Variants in PHIP observed in about 807,000 individuals in gnomAD.
The protein encoded by PHIP is PH-interacting protein.
Under a neutral mutation model 236.8 loss-of-function variants are expected in PHIP, and 54 were observed. That is an observed-to-expected ratio of 0.23 (90% CI 0.18 to 0.29). The LOEUF is 0.29. PHIP is among the 10% of genes least tolerant of loss of function. PHIP has a pLI of 1.00. For missense variants in PHIP, 1,370 were observed against 2,190.8 expected (o/e 0.63, Z 7.48); for synonymous variants, 756 against 718.9 (o/e 1.05, Z -0.83).
chr6:78,988,980 G>A (rs1769043018), intron 20 of PHIP, among the ~76,000 whole-genome samples: 1 of 152,172 alleles, frequency 6.6e-6, no homozygotes, highest in South Asian at 2.1e-4. Flanking sequence ...TGGAATAAAT[G>A]TGAGAAGTCT....
intron 6 of PHIP, among the ~76,000 whole-genome samples, chr6:79,059,770 T>C (rs1396587798): frequency 6.6e-6 from 1 of 151,648 alleles, no homozygotes; most frequent in Non-Finnish European, 1.5e-5. Flanking sequence ...AAAGAAGCTA[T>C]GATTGAACTT....
Position 79,060,740 on chromosome 6 carries a change from T to C in PHIP, c.268A>G (p.Ile90Val), listed in dbSNP as rs1773327478. Residue 90 changes from isoleucine to valine, a missense_variant, in exon 5 of 40, where the codon ATT becomes GTT. By Grantham distance (29) the Ile-to-Val change is conservative. Transcript: ENST00000275034. ...TGTACTCCAGGAACACTTTGAGGAA[T>C]TTCTTGTTCAAGAAGAGGTCCTAGT... Reference protein sequence around the residue: ...HRLGPLLEQEIPQSVPGVQTL... With the variant: ...HRLGPLLEQEVPQSVPGVQTL... The C allele has an allele frequency of 1.2e-6, 2 of 1,613,182 alleles. No homozygotes were observed. Among genetic ancestry groups the C allele is most frequent in the South Asian group, 1.1e-5 (1 of 91,080 alleles).
intron 15 of PHIP, among the ~76,000 whole-genome samples, chr6:79,007,158 A>G (rs1770330565): frequency 1.3e-5 from 2 of 152,112 alleles, no homozygotes; most frequent in South Asian, 2.1e-4. Flanking sequence ...TGATACAAAA[A>G]CTTATGAGCT....
chr6:79,025,275 C>T (rs1207587202), intron 9 of PHIP, among the ~76,000 whole-genome samples: 1 of 149,472 alleles, frequency 6.7e-6, no homozygotes, highest in African/African-American at 2.5e-5. Context: ...CAGGTAAATG[C>T]TGAAGGAAAG....
At position 78,965,951 on chromosome 6, in the gene PHIP, T is replaced by C. The variant is rs745963276; in HGVS notation, c.3311A>G (p.Asn1104Ser). ...ACAACAAATATTTCCTTACCAAACA[T>C]TGTAGCATTGAAACAGACTATCAGG... ...EYPDSLFQCYNVCWDNGDTEK... is the reference protein window; with the variant it reads ...EYPDSLFQCYSVCWDNGDTEK... Residue 1104 changes from asparagine (N) to serine (S), a missense_variant, in exon 28 of 40, where the codon AAT becomes AGT. Around this residue, in one of 14 missense-constraint regions of PHIP, gnomAD observed 238 missense variants for 398.5 expected, o/e 0.60. Coordinates refer to ENST00000275034, the MANE Select transcript of PHIP (RefSeq NM_017934.7). The C allele has an allele frequency of 7.5e-6, 12 of 1,597,860 alleles. No individual in the cohort carries two copies. The highest frequency in any genetic ancestry group is 4.0e-5 in the African/African-American group (3 of 74,608).
At chr6:79,062,357 CA>C (rs1773420431) in intron 4 of PHIP, among the ~76,000 whole-genome samples, 5 of 152,080 alleles carry the variant, frequency 3.3e-5, no homozygotes, top group African/African-American at 1.2e-4. Context: ...GAAAACTTAC[CA>C]AAATGAGTTT....
chr6:79,045,011 C>T (rs1772407905), intron 6 of PHIP, among the ~76,000 whole-genome samples: 1 of 152,092 alleles, frequency 6.6e-6, no homozygotes, highest in Non-Finnish European at 1.5e-5. Flanking sequence ...TTTCAAGCAA[C>T]ATTTTCCAGA....
intron 19 of PHIP, among the ~76,000 whole-genome samples, chr6:78,992,841 C>A (rs1002069711): frequency 1.1e-4 from 17 of 152,142 alleles, no homozygotes; most frequent in Admixed American, 6.5e-5. Flanking sequence ...CAATTAAAAA[C>A]CCTAACTGAT....
chr6:78,935,559 A>G lies in PHIP; in HGVS notation c.*5134T>C. On this transcript the variant is annotated 3_prime_UTR_variant, in exon 40 of 40. Coordinates refer to ENST00000275034, the MANE Select transcript of PHIP (RefSeq NM_017934.7). ...TAGTGAAGTATTTATCACTCATCAC[A>G]GTAACTTACGGTAAGAAATCAATAA... The G allele has an allele frequency of 1.0e-6, 1 of 967,618 alleles. No homozygotes were observed. Among genetic ancestry groups the G allele is most frequent in the African/African-American group, 1.8e-5 (1 of 56,906 alleles). The allele number at this position is 967,618 out of a possible 1,614,324, so 59.9% of individuals were successfully genotyped here.
At chr6:78,982,099 G>A (rs902071859) in intron 23 of PHIP, among the ~76,000 whole-genome samples, 3 of 151,840 alleles carry the variant, frequency 2.0e-5, no homozygotes, top group African/African-American at 7.3e-5. Flanking sequence ...AAATGGCAGA[G>A]GTTACAAAAA....
rs1458978515 is a variant in PHIP at position 79,042,962 on chromosome 6, G to A, written c.481C>T (p.Leu161Phe). ...ACTGCAGTTGGAACAAGTCGCTCAA[G>A]TCTGTATTTCCCATTCAGCTTCCTT... ...FSRKLNGKYR[L>F]ERLVPTAVYQ... The change falls in exon 7 of 40, where the codon CTT becomes TTT. Residue 161 changes from leucine to phenylalanine, a missense_variant. By Grantham distance (22) the Leu-to-Phe change is conservative. Coordinates refer to ENST00000275034, the MANE Select transcript of PHIP (RefSeq NM_017934.7). 3 of 1,611,658 alleles carry A rather than the reference G, an allele frequency of 1.9e-6. No homozygotes were observed. Among genetic ancestry groups the A allele is most frequent in the Admixed American group, 1.7e-5 (1 of 59,582 alleles).
intron 37 of PHIP, chr6:78,946,475 C>A (rs2127682593): frequency 7.2e-7 from 1 of 1,395,808 alleles, no homozygotes; most frequent in Non-Finnish European, 9.2e-7. Flanking sequence ...AGCATGATGC[C>A]ATCACTATCC....
chr6:79,062,266 C>T (rs1773415956), intron 4 of PHIP, among the ~76,000 whole-genome samples: 1 of 151,922 alleles, frequency 6.6e-6, no homozygotes, highest in African/African-American at 2.4e-5. Context: ...CCCTTTTTTC[C>T]CTAATAATAT....
rs773943769 is a variant in PHIP at position 78,946,152 on chromosome 6, C to T, written c.4479G>A (p.Gln1493=). The change falls in exon 38 of 40, where the codon CAG becomes CAA. Residue 1493 remains glutamine (Q), a synonymous_variant. Transcript: ENST00000275034. ...AACTAGATTCTGTTTTACCGTTTAT[C>T]TGAGCAGCATTGTGTCTTGGCGGTA... ...RSIPPRHNAA[Q]INGKTESSSV... The T allele has an allele frequency of 1.2e-6, 2 of 1,614,084 alleles. No individual in the cohort carries two copies. The highest frequency in any genetic ancestry group is 1.7e-6 in the Non-Finnish European group (2 of 1,179,990).
chr6:78,947,953 C>A (rs971574704), intron 35 of PHIP, among the ~76,000 whole-genome samples, 178 bp from the exon 36 acceptor site: 2 of 151,468 alleles, frequency 1.3e-5, no homozygotes, highest in South Asian at 2.1e-4. Flanking sequence ...TTTCATACTC[C>A]CCCCCCTTAT....
rs757057563 is a variant in PHIP at position 79,077,779 on chromosome 6, C to CCCG, written c.100-53_100-51dup. The CCCG allele has an allele frequency of 5.3e-3, 5,135 of 973,164 alleles. 18 individuals carry two copies. The highest frequency in any genetic ancestry group is 0.011 in the Admixed American group (166 of 15,720). 60.3% of individuals were successfully genotyped at this position (973,164 alleles called of 1,614,324 possible). ...TGAGCCCCGCGCCCCGGGCCGCGGC[C>CCCG]CCGCCGCCGCCGCCTCCCTCCCCCA... On this transcript the variant is annotated intron_variant, in intron 2 of 39. Coordinates refer to ENST00000275034, the MANE Select transcript of PHIP (RefSeq NM_017934.7).
At chr6:78,949,652 T>C (rs1774028561) in intron 35 of PHIP, among the ~76,000 whole-genome samples, 3 of 152,032 alleles carry the variant, frequency 2.0e-5, no homozygotes. Context: ...GTGTGGCATG[T>C]GGTAAGCCCC....
intron 31 of PHIP, 120 bp downstream of exon 31, chr6:78,961,570 C>G (rs1413078284): frequency 1.1e-6 from 1 of 876,024 alleles, no homozygotes; most frequent in Non-Finnish European, 1.8e-6. Flanking sequence ...TTAACATAAT[C>G]CCCATAATCT....
chr6:79,043,893 G>A (rs944485250), intron 6 of PHIP, among the ~76,000 whole-genome samples: 6 of 150,974 alleles, frequency 4.0e-5, no homozygotes, highest in African/African-American at 7.3e-5. Context: ...GGGTTTCTCG[G>A]TCGAATTTAG....
Sources: gnomAD v4.1 joint callset for allele counts (sites outside exome capture counted in the v4.1 genomes callset) on GRCh38, gnomAD v4.1.1 for gene constraint, gnomAD v4.1.1 regional missense constraint, MANE v1.5 for transcripts, NCBI Gene and HGNC (gene_info 2026-07-23, HGNC 2026-07-21) for gene names.